The following GPC5 variants were observed in gnomAD, a reference collection of about 807,000 sequenced individuals.
GPC5 encodes the protein glypican-5.
In GPC5, 47 loss-of-function variants were observed where a neutral mutation model predicts 53.9. The ratio of observed to expected loss-of-function variants is 0.87; its 90% CI spans 0.69 to 1.11. The LOEUF (loss-of-function observed/expected upper bound fraction) is 1.11. Ranked by LOEUF, GPC5 falls within the 50% of genes most tolerant of loss-of-function variation. GPC5 has a pLI of 0.00. For missense variants in GPC5, 748 were observed against 713.1 expected (o/e 1.05, Z -0.56); for synonymous variants, 286 against 263.3 (o/e 1.09, Z -0.84).
rs367860659 is a variant in GPC5, at chr13:91,917,687, C to T, written c.1401+9630C>T. ...TTCAATGTTCCACAGATCTCTAGGGCAGGGGCAAAATTCTTTCTTTGATAA... is the reference window on the plus strand; with the variant it reads ...TTCAATGTTCCACAGATCTCTAGGGTAGGGGCAAAATTCTTTCTTTGATAA... On this transcript the variant is annotated intron_variant, in intron 6 of 7. Transcript: ENST00000377067. Among the ~76,000 whole-genome samples the T allele has an allele frequency of 5.9e-5, 9 of 152,316 alleles. No individual in the cohort carries two copies. The East Asian group carries it at 1.2e-3, about 20-fold the overall frequency.
intron 7 of GPC5, among the ~76,000 whole-genome samples, chr13:92,331,679 AG>A (rs1238859590): frequency 8.3e-6 from 1 of 120,288 alleles, no homozygotes; most frequent in East Asian, 2.4e-4. Context: ...TAATATACAT[AG>A]GGTTTTTTTT....
chr13:92,016,727 CTT>C (rs5805722), intron 6 of GPC5, among the ~76,000 whole-genome samples: 55 of 143,604 alleles, frequency 3.8e-4, no homozygotes, highest in Middle Eastern at 3.6e-3. Flanking sequence ...TTCTTTTCTT[CTT>C]TTTTTTTTTT....
chr13:91,546,706 G>C (rs1287236297), intron 2 of GPC5, among the ~76,000 whole-genome samples: 1 of 152,066 alleles, frequency 6.6e-6, no homozygotes, highest in Non-Finnish European at 1.5e-5. Context: ...AATGAAGCTT[G>C]AACAAGTGCA....
intron 7 of GPC5, among the ~76,000 whole-genome samples, chr13:92,160,951 A>G (rs2041983398): frequency 6.6e-6 from 1 of 152,126 alleles, no homozygotes; most frequent in Non-Finnish European, 1.5e-5. Context: ...CATCCTGCAT[A>G]CCAACTAGTT....
intron 7 of GPC5, among the ~76,000 whole-genome samples, chr13:92,642,546 C>T (rs1885629165): frequency 6.6e-6 from 1 of 152,214 alleles, no homozygotes; most frequent in Non-Finnish European, 1.5e-5. Context: ...GAAGAGGACG[C>T]CATCTCTGTC....
chr13:92,648,045 T>A, intron 7 of GPC5, among the ~76,000 whole-genome samples: 1 of 95,820 alleles, frequency 1.0e-5, no homozygotes, highest in African/African-American at 2.7e-5. Flanking sequence ...GGATATAAAG[T>A]AATTTTATAT....
intron 7 of GPC5, among the ~76,000 whole-genome samples, chr13:92,856,969 G>GA (rs370532137): frequency 9.2e-5 from 14 of 151,590 alleles, no homozygotes; most frequent in South Asian, 6.3e-4. Flanking sequence ...CAGAATTAGG[G>GA]AAAAAAAATC....
intron 7 of GPC5, among the ~76,000 whole-genome samples, chr13:92,326,505 T>C (rs1189494813): frequency 1.3e-5 from 2 of 152,224 alleles, no homozygotes; most frequent in East Asian, 1.9e-4. Context: ...TATTAGTCTT[T>C]GTATTATGTT....
intron 7 of GPC5, among the ~76,000 whole-genome samples, chr13:92,468,088 C>T (rs1878769629): frequency 6.6e-6 from 1 of 151,962 alleles, no homozygotes; most frequent in Non-Finnish European, 1.5e-5. Flanking sequence ...TGTTTTTGAG[C>T]TAACATTGAC....
At chr13:92,543,634 A>G (rs573580067) in intron 7 of GPC5, among the ~76,000 whole-genome samples, 3 of 152,196 alleles carry the variant, frequency 2.0e-5, no homozygotes, top group Admixed American at 6.6e-5. Context: ...TGGGAAGGAT[A>G]GAAGGAGAGT....
chr13:92,184,129 A>G (rs1593971895), intron 7 of GPC5, among the ~76,000 whole-genome samples: 1 of 151,926 alleles, frequency 6.6e-6, no homozygotes. Flanking sequence ...TATACTGCAA[A>G]TTCATCTTTG....
chr13:92,281,256 G>C (rs1019119497), intron 7 of GPC5, among the ~76,000 whole-genome samples: 2 of 152,198 alleles, frequency 1.3e-5, no homozygotes, highest in African/African-American at 4.8e-5. Flanking sequence ...CAGGAAGCTC[G>C]AACTGGGTGG....
chr13:91,857,288 A>G (rs1009380207), intron 5 of GPC5, among the ~76,000 whole-genome samples: 1 of 151,320 alleles, frequency 6.6e-6, no homozygotes, highest in African/African-American at 2.4e-5. Context: ...AGAAGATGGG[A>G]TTTTGCTTGA....
intron 6 of GPC5, among the ~76,000 whole-genome samples, chr13:91,931,659 C>T (rs2039822726): frequency 2.0e-5 from 3 of 152,006 alleles, no homozygotes; most frequent in Non-Finnish European, 4.4e-5. Context: ...TCAGAATAAA[C>T]TCCTCTATCC....
At chr13:92,303,881 T>C (rs1350412717) in intron 7 of GPC5, among the ~76,000 whole-genome samples, 2 of 152,182 alleles carry the variant, frequency 1.3e-5, no homozygotes, top group Non-Finnish European at 2.9e-5. Flanking sequence ...TTTTCCAGCA[T>C]AAGTTTATAA....
chr13:92,069,042 G>C (rs115315734), intron 6 of GPC5, among the ~76,000 whole-genome samples: 191 of 152,074 alleles, frequency 1.3e-3, no homozygotes, highest in African/African-American at 4.4e-3. Context: ...AACTTTGTGT[G>C]TAACATAAGG....
intron 7 of GPC5, among the ~76,000 whole-genome samples, chr13:92,848,456 A>C (rs1260334928): frequency 1.3e-5 from 2 of 152,164 alleles, no homozygotes; most frequent in African/African-American, 4.8e-5. Flanking sequence ...TATATATTTT[A>C]AAAACCACTT....
chr13:91,604,381 T>G (rs2139260631), intron 2 of GPC5, among the ~76,000 whole-genome samples: 1 of 151,610 alleles, frequency 6.6e-6, no homozygotes, highest in South Asian at 2.1e-4. Context: ...GTTCCAAGTC[T>G]TTGCTATTGT....
chr13:92,524,743 A>G (rs1594275219), intron 7 of GPC5, among the ~76,000 whole-genome samples: 1 of 152,056 alleles, frequency 6.6e-6, no homozygotes, highest in African/African-American at 2.4e-5. Context: ...AAAAGTAGTT[A>G]TTGCTTATAT....
Sources: allele counts gnomAD v4.1 joint callset (sites outside exome capture counted in the v4.1 genomes callset), GRCh38; gene constraint gnomAD v4.1.1; transcripts MANE v1.5; gene names NCBI Gene and HGNC (gene_info 2026-07-23, HGNC 2026-07-21).